Variants in RNF144B observed in about 807,000 individuals in gnomAD.
RNF144B encodes the protein ring finger protein 144B, also known as E3 ubiquitin-protein ligase RNF144B.
In RNF144B, 25 loss-of-function variants were observed where a neutral mutation model predicts 40.2. The observed-to-expected ratio is 0.62, with a 90% CI of 0.45 to 0.87. The LOEUF is 0.87. Ranked by LOEUF, RNF144B falls within the 40% of genes least tolerant of loss-of-function variation. RNF144B has a pLI of 0.00. For missense variants in RNF144B, 365 were observed against 373.7 expected (o/e 0.98, Z 0.19); for synonymous variants, 145 against 136.3 (o/e 1.06, Z -0.44).
At chr6:18,415,302 A>AAATCCACT (rs1795128312) in intron 2 of RNF144B, among the ~76,000 whole-genome samples, 1 of 152,196 alleles carries the variant, frequency 6.6e-6, no homozygotes, top group Non-Finnish European at 1.5e-5. Context: ...TCAACAACAG[A>AAATCCACT]AATCCACTAC....
Position 18,465,155 on chromosome 6 carries a change from C to A in RNF144B, c.*88C>A. On this transcript the variant is annotated 3_prime_UTR_variant, in exon 8 of 8. Transcript: ENST00000259939. ...CCATTTAGTGACCTTGCCTCCTTCT[C>A]CTTGCCAACTTTGAAAGTGCCTCCG... 7.2e-7 allele frequency: 1 copy of A among 1,396,422 alleles called. No homozygotes were observed. The highest frequency in any genetic ancestry group is 9.8e-7 in the Non-Finnish European group (1 of 1,017,160). 86.5% of individuals were successfully genotyped at this position (1,396,422 alleles called of 1,614,324 possible).
At chr6:18,408,772 T>A (rs2328264) in intron 2 of RNF144B, among the ~76,000 whole-genome samples, 30,496 of 151,982 alleles carry the variant, frequency 0.2, 3,057 homozygotes, top group African/African-American at 0.24. Flanking sequence ...ACTTCTATTC[T>A]CCTTACTTCC....
intron 7 of RNF144B, 38 bp downstream of exon 7, chr6:18,463,418 A>C: frequency 8.2e-7 from 1 of 1,219,578 alleles, no homozygotes; most frequent in Non-Finnish European, 1.2e-6. Context: ...ATAAACCAAA[A>C]TCGTGATGGC....
intron 2 of RNF144B, among the ~76,000 whole-genome samples, chr6:18,403,873 A>G (rs1269857727): frequency 2.0e-5 from 3 of 152,200 alleles, no homozygotes; most frequent in Admixed American, 2.0e-4. Flanking sequence ...ATGTGAAAAG[A>G]GACAAAACCC....
At chr6:18,404,428 G>T (rs188978523) in intron 2 of RNF144B, among the ~76,000 whole-genome samples, 36 of 152,282 alleles carry the variant, frequency 2.4e-4, no homozygotes, top group African/African-American at 7.2e-4. Context: ...GGAGGGAGGG[G>T]TTGACAATAC....
intron 2 of RNF144B, among the ~76,000 whole-genome samples, chr6:18,421,981 G>A (rs1758438795): frequency 1.3e-5 from 2 of 152,114 alleles, no homozygotes; most frequent in South Asian, 4.1e-4. Flanking sequence ...GTCCTTTCAT[G>A]TCCTATATGG....
At position 18,398,758 on chromosome 6, in the gene RNF144B, A is replaced by G. The variant is rs1466958081; in HGVS notation, c.-36-741A>G. 1.3e-5 allele frequency among the ~76,000 whole-genome samples: 2 copies of G among 152,164 alleles called. No individual in the cohort carries two copies. Among genetic ancestry groups the G allele is most frequent in the Non-Finnish European group, 1.5e-5 (1 of 68,028 alleles). ...TTTGGCTATTGTGAATAATGTTGCT[A>G]TGAATATGGGTGTACAAATATCTCT... On this transcript the variant is annotated intron_variant, in intron 1 of 7. Coordinates refer to ENST00000259939, the MANE Select transcript of RNF144B (RefSeq NM_182757.4). The surrounding 1 kb of genome is among the most constrained non-coding windows in gnomAD (Gnocchi z 5.0).
intron 6 of RNF144B, among the ~76,000 whole-genome samples, chr6:18,461,681 G>A (rs974708764): frequency 2.0e-5 from 3 of 152,128 alleles, no homozygotes; most frequent in African/African-American, 4.8e-5. Flanking sequence ...CTTTTTTTCT[G>A]GTGACTGTTT....
In RNF144B at chr6:18,467,760, C is replaced by T. The variant is rs2113547650; in HGVS notation, c.*2693C>T. Reference sequence around the variant, plus strand: ...GGCTCAAGTGTTCCTCTCACCTTATCCTCCTGAGCAGCTGGGACTACAGGC... The same window carrying T: ...GGCTCAAGTGTTCCTCTCACCTTATTCTCCTGAGCAGCTGGGACTACAGGC... On this transcript the variant is annotated 3_prime_UTR_variant, in exon 8 of 8. Coordinates refer to ENST00000259939, the MANE Select transcript of RNF144B (RefSeq NM_182757.4). The T allele has an allele frequency of 6.6e-6, 1 of 151,958 alleles. No individual in the cohort carries two copies. Among genetic ancestry groups the T allele is most frequent in the East Asian group, 1.9e-4 (1 of 5,144 alleles). The allele number at this position is 151,958 out of a possible 1,614,324, so 9.4% of individuals were successfully genotyped here. A position where few individuals can be genotyped will look rare whatever the true frequency, so the allele number is the denominator to read the frequency against.
intron 1 of RNF144B, among the ~76,000 whole-genome samples, chr6:18,390,074 G>C (rs2113449428): frequency 6.6e-6 from 1 of 152,296 alleles, no homozygotes; most frequent in African/African-American, 2.4e-5. Context: ...TCTCTGTCCG[G>C]AAGAAATTCT....
At chr6:18,461,616 T>C (rs1297046372) in intron 6 of RNF144B, among the ~76,000 whole-genome samples, 1 of 152,210 alleles carries the variant, frequency 6.6e-6, no homozygotes, top group Non-Finnish European at 1.5e-5. Flanking sequence ...GTTCTGGAGA[T>C]GAAATGGTGC....
intron 3 of RNF144B, among the ~76,000 whole-genome samples, chr6:18,430,430 T>TC (rs1758666701): frequency 1.3e-5 from 2 of 152,322 alleles, no homozygotes; most frequent in East Asian, 3.9e-4. Context: ...GTCTTGCAGT[T>TC]CTCTAGAGCA....
At chr6:18,415,379 G>C (rs936944418) in intron 2 of RNF144B, among the ~76,000 whole-genome samples, 2 of 152,172 alleles carry the variant, frequency 1.3e-5, no homozygotes, top group African/African-American at 2.4e-5. Flanking sequence ...CGTGATGGCG[G>C]CTCTCTGCTT....
chr6:18,450,701 C>T lies in RNF144B; in HGVS notation c.332-6454C>T, dbSNP rs1759192070. On this transcript the variant is annotated intron_variant, in intron 4 of 7. Coordinates refer to ENST00000259939, the MANE Select transcript of RNF144B (RefSeq NM_182757.4). This position sits in a 1 kb window ranked among gnomAD's most constrained non-coding sequence, Gnocchi z 4.7. ...GTTGGAAAGAGACACAATTGGTTCT[C>T]ATGAGCTGGCAAGATCCCACTTCGG... 6.6e-6 allele frequency among the ~76,000 whole-genome samples: 1 copy of T among 152,196 alleles called. No homozygotes were observed. The highest frequency in any genetic ancestry group is 2.1e-4 in the South Asian group (1 of 4,832).
chr6:18,392,522 A>G (rs1794605176), intron 1 of RNF144B, among the ~76,000 whole-genome samples: 1 of 152,082 alleles, frequency 6.6e-6, no homozygotes, highest in Non-Finnish European at 1.5e-5. Flanking sequence ...TTCCATTTTT[A>G]GAAGGTTAAT....
At position 18,411,046 on chromosome 6, in the gene RNF144B, G is replaced by A. The variant is rs546210324; in HGVS notation, c.165+11347G>A. Among the ~76,000 whole-genome samples, 215 of 150,080 alleles carry A rather than the reference G, an allele frequency of 1.4e-3. 1 individual carries two copies. The highest frequency in any genetic ancestry group is 4.7e-3 in the African/African-American group (191 of 40,696). On this transcript the variant is annotated intron_variant, in intron 2 of 7. Coordinates refer to ENST00000259939, the MANE Select transcript of RNF144B (RefSeq NM_182757.4). ...TGTTGCCAGGCTGGAGTGCAGTGGC[G>A]TGATCTCTGCTCACTGCAACCTCCG...
At chr6:18,454,161 A>G (rs577545420) in intron 4 of RNF144B, among the ~76,000 whole-genome samples, 22 of 152,220 alleles carry the variant, frequency 1.4e-4, no homozygotes, top group Admixed American at 5.2e-4. Context: ...AAAGGCAGAA[A>G]AACAGAAAGG....
chr6:18,453,453 T>C (rs1178882700), intron 4 of RNF144B, among the ~76,000 whole-genome samples: 1 of 152,154 alleles, frequency 6.6e-6, no homozygotes, highest in Non-Finnish European at 1.5e-5. Context: ...TTTTTTTGTT[T>C]GTTTTTTTCT....
chr6:18,389,307 A>G (rs1397982369), intron 1 of RNF144B, among the ~76,000 whole-genome samples: 5 of 152,204 alleles, frequency 3.3e-5, no homozygotes, highest in African/African-American at 1.2e-4. Context: ...ATTATGAACC[A>G]GGTTTTTGGA....
Sources: gnomAD v4.1 joint callset for allele counts (sites outside exome capture counted in the v4.1 genomes callset) on GRCh38, gnomAD v4.1.1 for gene constraint, Gnocchi (gnomAD v3.1) non-coding constraint, MANE v1.5 for transcripts, NCBI Gene and HGNC (gene_info 2026-07-23, HGNC 2026-07-21) for gene names.